NUDT3: variants seen among roughly 807,000 people sequenced by gnomAD.
NUDT3 encodes nudix hydrolase 3, also known as diphosphoinositol polyphosphate phosphohydrolase 1.
Under a neutral mutation model 23.6 loss-of-function variants are expected in NUDT3, and 9 were observed. That is an observed-to-expected ratio of 0.38 (90% CI 0.23 to 0.66). The LOEUF (loss-of-function observed/expected upper bound fraction) is 0.66. Among genes scored for constraint, NUDT3 ranks in the 30% least tolerant of loss-of-function variants. NUDT3 has a pLI of 0.52. For synonymous variants in NUDT3, 86 were observed against 82.6 expected, an observed-to-expected ratio of 1.04 and a Z score of -0.22; for missense variants, 172 against 218.5, an observed-to-expected ratio of 0.79 and a Z score of 1.34.
chr6:34,317,128 G>A (rs183526480), intron 2 of NUDT3, among the ~76,000 whole-genome samples: 4 of 152,300 alleles, frequency 2.6e-5, no homozygotes, highest in Non-Finnish European at 5.9e-5. Flanking sequence ...TTTGGGTTAA[G>A]TAACTTAAAG....
chr6:34,280,471 G>A lies in NUDT3; in HGVS notation c.*8282C>T, dbSNP rs1402007324. 1 of 151,722 alleles carries A rather than the reference G, an allele frequency of 6.6e-6. No homozygotes were observed. Among genetic ancestry groups the A allele is most frequent in the African/African-American group, 2.4e-5 (1 of 41,296 alleles). The allele number at this position is 151,722 out of a possible 1,614,324, so 9.4% of individuals were successfully genotyped here. A position where few individuals can be genotyped will look rare whatever the true frequency, so the allele number is the denominator to read the frequency against. On this transcript the variant is annotated 3_prime_UTR_variant, in exon 5 of 5. Coordinates refer to ENST00000607016, the MANE Select transcript of NUDT3 (RefSeq NM_006703.4). Reference sequence around the variant, plus strand: ...GCTCCTTGTTTTATAACCCGCACAAGGTGCCAAGAGGTTTAAGGACCACAA... The same window carrying A: ...GCTCCTTGTTTTATAACCCGCACAAAGTGCCAAGAGGTTTAAGGACCACAA...
rs561523929 is a variant in NUDT3, at chr6:34,356,771, T to C, written c.100-14799A>G. Among the ~76,000 whole-genome samples, 9 of 152,132 alleles carry C rather than the reference T, an allele frequency of 5.9e-5. No individual in the cohort carries two copies. The South Asian group carries it at 1.9e-3, about 32-fold the overall frequency. ...ATTATTTTTAGGTATAATTATGGAA[T>C]TGTGGGGGTTTTTTTTGTTTTCTTT... On this transcript the variant is annotated intron_variant, in intron 1 of 4. Transcript: ENST00000607016.
At chr6:34,381,676 G>A (rs1765020016) in intron 1 of NUDT3, among the ~76,000 whole-genome samples, 1 of 152,124 alleles carries the variant, frequency 6.6e-6, no homozygotes, top group South Asian at 2.1e-4. Flanking sequence ...ATACCACAGT[G>A]ATAGATGTAA....
At chr6:34,373,051 G>A (rs10452589) in intron 1 of NUDT3, among the ~76,000 whole-genome samples, 11,644 of 151,788 alleles carry the variant, frequency 0.077, 906 homozygotes, top group African/African-American at 0.2. Context: ...AAGCCGAGGC[G>A]GGCGAATCAC....
chr6:34,325,149 T>G (rs1307824747), intron 2 of NUDT3, among the ~76,000 whole-genome samples: 1 of 152,222 alleles, frequency 6.6e-6, no homozygotes, highest in East Asian at 1.9e-4. Context: ...CATTCTGTCT[T>G]CTAATGTAAA....
intron 1 of NUDT3, among the ~76,000 whole-genome samples, chr6:34,365,200 C>A (rs537739606): frequency 6.6e-6 from 1 of 152,006 alleles, no homozygotes; most frequent in Admixed American, 6.6e-5. Flanking sequence ...GAGGCCAAGG[C>A]GGGTGGATCA....
intron 1 of NUDT3, among the ~76,000 whole-genome samples, chr6:34,363,924 C>G (rs923271728): frequency 1.2e-4 from 18 of 152,196 alleles, no homozygotes; most frequent in African/African-American, 4.3e-4. Context: ...AGGCACCCAC[C>G]ACCACGCCCA....
At chr6:34,306,052 T>C (rs974192446) in intron 2 of NUDT3, among the ~76,000 whole-genome samples, 19 of 152,360 alleles carry the variant, frequency 1.2e-4, no homozygotes, top group African/African-American at 4.1e-4. Flanking sequence ...AATGGTGTTA[T>C]TTAACCTCTA....
intron 2 of NUDT3, among the ~76,000 whole-genome samples, chr6:34,330,839 G>C (rs554563260): frequency 3.3e-5 from 5 of 152,222 alleles, no homozygotes; most frequent in African/African-American, 1.2e-4. Flanking sequence ...AATACAAATG[G>C]AATCAAGAGG....
At chr6:34,374,227 A>T (rs1042505626) in intron 1 of NUDT3, among the ~76,000 whole-genome samples, 2 of 152,026 alleles carry the variant, frequency 1.3e-5, no homozygotes, top group Non-Finnish European at 2.9e-5. Flanking sequence ...GTCAGAAGAA[A>T]ACTGTGTTAT....
At position 34,280,713 on chromosome 6, in the gene NUDT3, G is replaced by A. The variant is rs1763270826; in HGVS notation, c.*8040C>T. ...GATTAGGTGACCTAATGATGAGAAG[G>A]CTAACTTATTTGCTTTCCTGGGTGG... On this transcript the variant is annotated 3_prime_UTR_variant, in exon 5 of 5. Transcript: ENST00000607016. 1 of 152,204 alleles carries A rather than the reference G, an allele frequency of 6.6e-6. No homozygotes were observed. Among genetic ancestry groups the A allele is most frequent in the South Asian group, 2.1e-4 (1 of 4,828 alleles). The allele number at this position is 152,204 out of a possible 1,614,324, so 9.4% of individuals were successfully genotyped here.
chr6:34,355,273 T>C lies in NUDT3; in HGVS notation c.100-13301A>G, dbSNP rs956881187. Among the ~76,000 whole-genome samples, 25 of 152,176 alleles carry C rather than the reference T, an allele frequency of 1.6e-4. 1 individual carries two copies. The highest frequency in any genetic ancestry group is 2.9e-5 in the Non-Finnish European group (2 of 68,034). On this transcript the variant is annotated intron_variant, in intron 1 of 4. Coordinates refer to ENST00000607016, the MANE Select transcript of NUDT3 (RefSeq NM_006703.4). The stretch of plus-strand genomic sequence containing the variant: ...TTGTCAAATGCTTTTTCTGAATCTA[T>C]TGATACGATGATATGGTGGTTCTTT...
At chr6:34,302,064 C>T (rs1763606207) in intron 2 of NUDT3, among the ~76,000 whole-genome samples, 1 of 152,140 alleles carries the variant, frequency 6.6e-6, no homozygotes, top group Non-Finnish European at 1.5e-5. Flanking sequence ...TGAGACCAGT[C>T]TCTGTAGCCC....
At chr6:34,379,451 T>C (rs558202042) in intron 1 of NUDT3, among the ~76,000 whole-genome samples, 1 of 151,984 alleles carries the variant, frequency 6.6e-6, no homozygotes, top group African/African-American at 2.4e-5. Flanking sequence ...TCCCAGCTAC[T>C]TGGGAGGCTG....
intron 2 of NUDT3, among the ~76,000 whole-genome samples, chr6:34,327,194 G>A (rs1001464113): frequency 1.3e-5 from 2 of 152,022 alleles, no homozygotes; most frequent in African/African-American, 4.8e-5. Flanking sequence ...AAACAGAGAG[G>A]GAAGGCAGCA....
intron 1 of NUDT3, among the ~76,000 whole-genome samples, chr6:34,381,111 C>T (rs1009350352): frequency 2.6e-5 from 4 of 152,246 alleles, no homozygotes; most frequent in Middle Eastern, 6.8e-3. Flanking sequence ...TGACCTCCCA[C>T]GCTCCAGTGA....
chr6:34,321,076 C>T (rs1048625502), intron 2 of NUDT3, among the ~76,000 whole-genome samples: 1 of 152,022 alleles, frequency 6.6e-6, no homozygotes, highest in Non-Finnish European at 1.5e-5. Flanking sequence ...GTGTGGGGTC[C>T]TGGAAAGCAG....
chr6:34,387,317 T>C (rs1290673794), intron 1 of NUDT3, among the ~76,000 whole-genome samples: 1 of 152,142 alleles, frequency 6.6e-6, no homozygotes, highest in Non-Finnish European at 1.5e-5. Flanking sequence ...CCACGCCTGT[T>C]ACTCTCCTGA....
intron 2 of NUDT3, among the ~76,000 whole-genome samples, chr6:34,336,435 G>A (rs953874870): frequency 6.6e-5 from 10 of 151,128 alleles, no homozygotes; most frequent in Non-Finnish European, 3.0e-5. Flanking sequence ...TCTTTTTTTT[G>A]CTGTTGAATT....
Sources: allele counts gnomAD v4.1 joint callset (sites outside exome capture counted in the v4.1 genomes callset), GRCh38; gene constraint gnomAD v4.1.1; transcripts MANE v1.5; gene names NCBI Gene and HGNC (gene_info 2026-07-23, HGNC 2026-07-21).